Variants in JADE1 observed in about 807,000 individuals in gnomAD.
JADE1 encodes jade family PHD finger 1.
Under a neutral mutation model 81.8 loss-of-function variants are expected in JADE1, and 14 were observed. The ratio of observed to expected loss-of-function variants is 0.17; its 90% CI spans 0.11 to 0.27. The LOEUF (loss-of-function observed/expected upper bound fraction) is 0.27, where lower values mean the gene tolerates loss of function less well. JADE1 is among the 10% of genes least tolerant of loss of function. The pLI, the probability that JADE1 is intolerant of heterozygous loss-of-function variation, is 1.00. For synonymous variants in JADE1, 353 were observed against 391.9 expected (o/e 0.90, Z 1.17); for missense variants, 690 against 1,047.9 (o/e 0.66, Z 4.71).
chr4:128,821,694 T>C (rs1424958634), intron 1 of JADE1, among the ~76,000 whole-genome samples: 1 of 152,086 alleles, frequency 6.6e-6, no homozygotes, highest in African/African-American at 2.4e-5. Context: ...CTAATTTTTG[T>C]ATTTTTAGTA....
chr4:128,860,705 G>A (rs1731246818), intron 8 of JADE1, among the ~76,000 whole-genome samples: 1 of 152,206 alleles, frequency 6.6e-6, no homozygotes, highest in African/African-American at 2.4e-5. Context: ...CTAGACCAGA[G>A]GCTTGTTGTC....
At position 128,861,808 on chromosome 4, in the gene JADE1, G is replaced by C. The variant is rs1392951967; in HGVS notation, c.1086G>C (p.Lys362Asn). 3.1e-6 allele frequency: 5 copies of C among 1,614,204 alleles called. No individual in the cohort carries two copies. Among genetic ancestry groups the C allele is most frequent in the Non-Finnish European group, 4.2e-6 (5 of 1,180,034 alleles). ...ILAENDEVKF[K>N]SYCPKHSSHR... ...CAGAGAATGATGAAGTCAAGTTCAA[G>C]TCCTATTGCCCAAAGCACAGCTCAC... The change falls in exon 9 of 11, where the codon AAG becomes AAC. Residue 362 changes from lysine to asparagine, a missense_variant. Lys to Asn is a moderately conservative substitution (Grantham distance 94). This residue lies in a region of JADE1 where 77 missense variants were observed against 76.4 expected (regional missense o/e 1.01). Coordinates refer to ENST00000226319, the MANE Select transcript of JADE1 (RefSeq NM_199320.4).
At chr4:128,836,379 AAAG>A (rs1249752064) in intron 2 of JADE1, among the ~76,000 whole-genome samples, 2 of 152,128 alleles carry the variant, frequency 1.3e-5, no homozygotes, top group Non-Finnish European at 2.9e-5. Context: ...TTAACATCAT[AAAG>A]AAGAGGAAAT....
chr4:128,843,858 AG>A (rs898557438), intron 3 of JADE1, among the ~76,000 whole-genome samples: 2 of 152,174 alleles, frequency 1.3e-5, no homozygotes, highest in African/African-American at 4.8e-5. Flanking sequence ...AGGCTCTAAT[AG>A]GGAACGTCAG....
Position 128,846,132 on chromosome 4 carries a change from C to T in JADE1, c.139-243C>T, listed in dbSNP as rs73850011. ...CAAGATTTTTTGTTGTTTTTGTTGA[C>T]GTTGTTGTGGACACTATGGACTGAG... On this transcript the variant is annotated intron_variant, in intron 3 of 10. Transcript: ENST00000226319. This position sits in a 1 kb window ranked among gnomAD's most constrained non-coding sequence, Gnocchi z 4.0. Among the ~76,000 whole-genome samples, 1,670 of 152,114 alleles carry T rather than the reference C, an allele frequency of 0.011. 19 individuals are homozygous for T. The highest frequency in any genetic ancestry group is 0.037 in the African/African-American group (1,526 of 41,484).
chr4:128,829,971 G>A (rs1026616086), intron 1 of JADE1, among the ~76,000 whole-genome samples: 18 of 151,572 alleles, frequency 1.2e-4, no homozygotes, highest in Admixed American at 6.6e-5. Flanking sequence ...TCCGCCTCCC[G>A]GGTTTAAGTG....
At chr4:128,848,310 C>T (rs1730047535) in intron 4 of JADE1, among the ~76,000 whole-genome samples, 1 of 152,146 alleles carries the variant, frequency 6.6e-6, no homozygotes, top group South Asian at 2.1e-4. Flanking sequence ...TCCCGAGTAG[C>T]TGGGGTTACA....
At chr4:128,823,661 A>C (rs1228127426) in intron 1 of JADE1, among the ~76,000 whole-genome samples, 2 of 152,180 alleles carry the variant, frequency 1.3e-5, no homozygotes, top group Non-Finnish European at 2.9e-5. Context: ...TTTGCTTGAG[A>C]TATTTAGACA....
rs148292722 is a variant in JADE1, at chr4:128,825,143, G to A, written c.-26-6590G>A. On this transcript the variant is annotated intron_variant, in intron 1 of 10. Coordinates refer to ENST00000226319, the MANE Select transcript of JADE1 (RefSeq NM_199320.4). ...CAACCTCTGCCTCCCGGGTTCAAGC[G>A]ATTCTCCTGCCTTAGCCTCTCAAGT... is the stretch of plus-strand genomic sequence containing the variant. 1.2e-3 allele frequency among the ~76,000 whole-genome samples: 186 copies of A among 152,220 alleles called. 5 individuals are homozygous for A. The East Asian group carries it at 0.033, about 27-fold the overall frequency.
intron 1 of JADE1, among the ~76,000 whole-genome samples, chr4:128,812,944 G>A (rs181936642): frequency 6.6e-6 from 1 of 152,356 alleles, no homozygotes; most frequent in Admixed American, 6.5e-5. Context: ...TAATGGGAAT[G>A]CTTAGGGGGT....
At chr4:128,829,697 A>T (rs1160487094) in intron 1 of JADE1, among the ~76,000 whole-genome samples, 1 of 152,132 alleles carries the variant, frequency 6.6e-6, no homozygotes, top group East Asian at 1.9e-4. Flanking sequence ...AAGAGAAAAA[A>T]CCCAAGAAGA....
chr4:128,824,615 A>C (rs1727881586), intron 1 of JADE1, among the ~76,000 whole-genome samples: 1 of 152,230 alleles, frequency 6.6e-6, no homozygotes, highest in African/African-American at 2.4e-5. Context: ...TAGATATTAA[A>C]GTAAAAGCAT....
At position 128,861,729 on chromosome 4, in the gene JADE1, C is replaced by T; in HGVS notation, c.1007C>T (p.Ala336Val). ...TGCTCTGTGAAGAACTGCCGCACAG[C>T]CTTCCATGTGACCTGTGCTTTTGAC... is the stretch of plus-strand genomic sequence containing the variant. ...IQCSVKNCRT[A>V]FHVTCAFDRG... The change falls in exon 9 of 11, where the codon GCC becomes GTC. Residue 336 changes from alanine to valine, a missense_variant. Physicochemically the swap from Ala to Val is moderately conservative, Grantham distance 64. Around this residue, in one of 8 missense-constraint regions of JADE1, gnomAD observed 84 missense variants for 226.6 expected, o/e 0.37. Coordinates refer to ENST00000226319, the MANE Select transcript of JADE1 (RefSeq NM_199320.4). 1 of 1,614,194 alleles carries T rather than the reference C, an allele frequency of 6.2e-7. No homozygotes were observed. The highest frequency in any genetic ancestry group is 8.5e-7 in the Non-Finnish European group (1 of 1,180,002).
chr4:128,824,516 G>A (rs1380958728), intron 1 of JADE1, among the ~76,000 whole-genome samples: 3 of 152,032 alleles, frequency 2.0e-5, no homozygotes, highest in African/African-American at 4.8e-5. Context: ...GTACCTTTAG[G>A]TATTAGATTT....
intron 2 of JADE1, among the ~76,000 whole-genome samples, chr4:128,842,324 G>A (rs1398690177): frequency 1.4e-5 from 2 of 146,568 alleles, no homozygotes; most frequent in East Asian, 3.9e-4. Flanking sequence ...TTTTTTGACA[G>A]AGTCTTGCTC....
Position 128,849,042 on chromosome 4 carries a change from G to A in JADE1, c.359G>A (p.Gly120Asp), listed in dbSNP as rs1231040450. The stretch of plus-strand genomic sequence containing the variant: ...CCCAAGAAGTACATCGTGTCATCAG[G>A]CTCTGAGCCTCCCGAGTTGGGCTAT... ...IRPKKYIVSS[G>D]SEPPELGYVD... The change falls in exon 5 of 11, where the codon GGC becomes GAC. Residue 120 changes from glycine to aspartate, a missense_variant. This residue lies in a region of JADE1 where 98 missense variants were observed against 161.3 expected (regional missense o/e 0.61). Transcript: ENST00000226319. 8 of 1,613,944 alleles carry A rather than the reference G, an allele frequency of 5.0e-6. No homozygotes were observed. Among genetic ancestry groups the A allele is most frequent in the Non-Finnish European group, 6.8e-6 (8 of 1,180,016 alleles).
At chr4:128,844,492 C>CT (rs1729705751) in intron 3 of JADE1, among the ~76,000 whole-genome samples, 1 of 152,128 alleles carries the variant, frequency 6.6e-6, no homozygotes, top group African/African-American at 2.4e-5. Context: ...AGCAGGCTGC[C>CT]TTTTTTTCAT....
At chr4:128,844,502 T>A (rs568440403) in intron 3 of JADE1, among the ~76,000 whole-genome samples, 3 of 152,368 alleles carry the variant, frequency 2.0e-5, no homozygotes, top group South Asian at 4.1e-4. Flanking sequence ...CTTTTTTTCA[T>A]TTCATTGCTT....
At chr4:128,853,715 C>G (rs1730561025) in intron 6 of JADE1, among the ~76,000 whole-genome samples, 1 of 152,146 alleles carries the variant, frequency 6.6e-6, no homozygotes, top group Non-Finnish European at 1.5e-5. Flanking sequence ...AAAAGAAAGA[C>G]TTGTATGGAA....
Sources: allele counts gnomAD v4.1 joint callset (sites outside exome capture counted in the v4.1 genomes callset), GRCh38; gene constraint gnomAD v4.1.1; regional missense constraint gnomAD v4.1.1; non-coding constraint Gnocchi (gnomAD v3.1); transcripts MANE v1.5; gene names NCBI Gene and HGNC (gene_info 2026-07-23, HGNC 2026-07-21).